VPS8: variants seen among roughly 807,000 people sequenced by gnomAD.
VPS8 encodes vacuolar protein sorting-associated protein 8 homolog.
In VPS8, 129 loss-of-function variants were observed where a neutral mutation model predicts 216.4. That is an observed-to-expected ratio of 0.60 (90% CI 0.52 to 0.69). The LOEUF (loss-of-function observed/expected upper bound fraction) is 0.69. Ranked by LOEUF, VPS8 falls within the 30% of genes least tolerant of loss-of-function variation. The probability of loss-of-function intolerance (pLI) is 0.00; values close to 1 mark genes in which losing one functional copy is unlikely to be tolerated. For synonymous variants in VPS8, 571 were observed against 565.4 expected, an observed-to-expected ratio of 1.01 and a Z score of -0.14; for missense variants, 1,531 against 1,683.5, an observed-to-expected ratio of 0.91 and a Z score of 1.59.
intron 42 of VPS8, among the ~76,000 whole-genome samples, chr3:184,987,871 C>T (rs145521879): frequency 1.3e-5 from 2 of 152,340 alleles, no homozygotes; most frequent in African/African-American, 2.4e-5. Flanking sequence ...GTTCCTGTTG[C>T]TCCATATCTT....
chr3:184,995,767 T>C (rs1201794215), intron 43 of VPS8, among the ~76,000 whole-genome samples: 1 of 152,238 alleles, frequency 6.6e-6, no homozygotes, highest in East Asian at 1.9e-4. Context: ...ATGATAGATG[T>C]CATGGTCTTG....
intron 40 of VPS8, among the ~76,000 whole-genome samples, chr3:184,972,864 G>A (rs781016321): frequency 2.0e-5 from 3 of 152,186 alleles, no homozygotes; most frequent in Non-Finnish European, 4.4e-5. Context: ...CAGGGCTCAG[G>A]CCTCTGACTT....
At chr3:185,011,883 G>A (rs1561109429) in intron 45 of VPS8, among the ~76,000 whole-genome samples, 1 of 152,254 alleles carries the variant, frequency 6.6e-6, no homozygotes, top group East Asian at 1.9e-4. Flanking sequence ...CTTTAAAATA[G>A]AAATTACAAA....
intron 42 of VPS8, among the ~76,000 whole-genome samples, chr3:184,987,159 G>C (rs1751224730): frequency 6.6e-6 from 1 of 152,052 alleles, no homozygotes. Context: ...TGTCACCCAG[G>C]CTGGAGTACA....
rs769938639 is a variant in VPS8 at position 184,983,109 on chromosome 3, G to T, written c.3585+15G>T. On this transcript the variant is annotated intron_variant, in intron 42 of 47. Coordinates refer to ENST00000625842, the MANE Select transcript of VPS8 (RefSeq NM_001009921.3). ...GAATCTTACAGGTGAGTTAAAAGGGGTGAATATTAAATATTGATTTCAACT... is the reference window on the plus strand; with the variant it reads ...GAATCTTACAGGTGAGTTAAAAGGGTTGAATATTAAATATTGATTTCAACT... The T allele has an allele frequency of 1.9e-6, 3 of 1,576,348 alleles. No homozygotes were observed. The Admixed American group carries it at 5.3e-5, about 28-fold the overall frequency.
chr3:184,918,030 T>A (rs1259317933), intron 28 of VPS8, among the ~76,000 whole-genome samples: 1 of 152,088 alleles, frequency 6.6e-6, no homozygotes, highest in Non-Finnish European at 1.5e-5. Context: ...TGGATTGAAA[T>A]GAGATAAGAT....
At chr3:184,843,888 A>C (rs1043631843) in intron 8 of VPS8, among the ~76,000 whole-genome samples, 3 of 152,218 alleles carry the variant, frequency 2.0e-5, no homozygotes, top group Non-Finnish European at 4.4e-5. Context: ...CTTGGGAATG[A>C]ATACAGCTGA....
At chr3:184,854,767 C>CATTATTG (rs1724935945) in intron 13 of VPS8, among the ~76,000 whole-genome samples, 1 of 152,172 alleles carries the variant, frequency 6.6e-6, no homozygotes, top group Non-Finnish European at 1.5e-5. Context: ...ATGTGCTTTC[C>CATTATTG]CTGGCTTCTG....
rs184525077 is a variant in VPS8 at position 184,939,828 on chromosome 3, G to T, written c.2989-369G>T. Among the ~76,000 whole-genome samples the T allele has an allele frequency of 6.0e-3, 918 of 152,198 alleles. 23 individuals are homozygous for T. Among genetic ancestry groups the T allele is most frequent in the Non-Finnish European group, 3.6e-3 (243 of 67,998 alleles). On this transcript the variant is annotated intron_variant, in intron 35 of 47. Coordinates refer to ENST00000625842, the MANE Select transcript of VPS8 (RefSeq NM_001009921.3). ...ATTGCCACAGGAGGACCAGGTTAAG[G>T]CAAGGTGAAACTGATCAGTGCATCC...
At chr3:184,971,893 G>T in intron 40 of VPS8, 141 bp downstream of exon 40, 1 of 620,726 alleles carries the variant, frequency 1.6e-6, no homozygotes, top group South Asian at 1.7e-5. Flanking sequence ...TGACCAACAT[G>T]GAGAAATCCC....
At chr3:184,929,707 T>C (rs755500762) in intron 33 of VPS8, 43 bp downstream of exon 33, 50 of 1,201,492 alleles carry the variant, frequency 4.2e-5, no homozygotes, top group Non-Finnish European at 5.6e-5. Flanking sequence ...TACTCAACTT[T>C]CCCTCTTATT....
chr3:184,928,923 A>G (rs1443654264), intron 32 of VPS8, among the ~76,000 whole-genome samples: 1 of 152,188 alleles, frequency 6.6e-6, no homozygotes, highest in East Asian at 1.9e-4. Context: ...CTTACCTAGT[A>G]TGCTGTATTT....
At position 184,838,741 on chromosome 3, in the gene VPS8, G is replaced by T; in HGVS notation, c.475G>T (p.Ala159Ser). ...ADKVDAGLPT[A>S]IAVSSLIAVG... ...CAAAGTAGATGCTGGCTTGCCTACAGCAATTGTAAGTATACTTTAACTTTT... is the reference window on the plus strand; with the variant it reads ...CAAAGTAGATGCTGGCTTGCCTACATCAATTGTAAGTATACTTTAACTTTT... The change falls in exon 6 of 48, where the codon GCA becomes TCA. Residue 159 changes from alanine (A) to serine (S), a missense_variant. Coordinates refer to ENST00000625842, the MANE Select transcript of VPS8 (RefSeq NM_001009921.3). 6.5e-7 allele frequency: 1 copy of T among 1,543,212 alleles called. No homozygotes were observed.
chr3:185,005,628 T>A (rs549742551), intron 45 of VPS8, among the ~76,000 whole-genome samples: 3 of 148,152 alleles, frequency 2.0e-5, no homozygotes, highest in East Asian at 3.9e-4. Flanking sequence ...TTATTTATTT[T>A]ATTTATTTAT....
chr3:184,998,883 CT>C (rs900935241), intron 44 of VPS8, among the ~76,000 whole-genome samples: 22 of 148,456 alleles, frequency 1.5e-4, no homozygotes, highest in East Asian at 3.9e-4. Flanking sequence ...TTTCCAGTTG[CT>C]TTTTTTTTTC....
intron 40 of VPS8, among the ~76,000 whole-genome samples, chr3:184,978,626 C>T (rs1749704692): frequency 1.3e-5 from 2 of 152,164 alleles, no homozygotes; most frequent in South Asian, 4.1e-4. Flanking sequence ...TCTCGAACTC[C>T]TGGACTCAAG....
intron 36 of VPS8, among the ~76,000 whole-genome samples, chr3:184,956,759 G>A (rs2109470438): frequency 6.6e-6 from 1 of 152,246 alleles, no homozygotes; most frequent in African/African-American, 2.4e-5. Context: ...AGTAGCTGGT[G>A]TACTAGGCAA....
chr3:184,869,070 G>T (rs202132779), intron 19 of VPS8, 34 bp downstream of exon 19: 1 of 1,570,310 alleles, frequency 6.4e-7, no homozygotes, highest in Non-Finnish European at 8.7e-7. Context: ...AGTAGACGTG[G>T]TTCTCCTGGA....
chr3:184,891,150 T>G (rs901718386), intron 22 of VPS8, among the ~76,000 whole-genome samples: 1 of 152,192 alleles, frequency 6.6e-6, no homozygotes, highest in Admixed American at 6.5e-5. Context: ...GTGCTCTATA[T>G]GGATGATACC....
Sources: gnomAD v4.1 joint callset for allele counts (sites outside exome capture counted in the v4.1 genomes callset) on GRCh38, gnomAD v4.1.1 for gene constraint, MANE v1.5 for transcripts, NCBI Gene and HGNC (gene_info 2026-07-23, HGNC 2026-07-21) for gene names.